CNKSR2: variants seen among roughly 807,000 people sequenced by gnomAD.
CNKSR2 encodes the protein connector enhancer of kinase suppressor of Ras 2, also known as CNK homolog protein 2.
A neutral mutation model predicts 84.4 loss-of-function variants in CNKSR2; 14 were observed. That is an observed-to-expected ratio of 0.17 (90% CI 0.11 to 0.26). The LOEUF (loss-of-function observed/expected upper bound fraction) is 0.26. Among genes scored for constraint, CNKSR2 ranks in the 10% least tolerant of loss-of-function variants. The probability of loss-of-function intolerance (pLI) is 1.00; values close to 1 mark genes in which losing one functional copy is unlikely to be tolerated. For missense variants in CNKSR2, 485 were observed against 771.2 expected (o/e 0.63, Z 4.40); for synonymous variants, 275 against 277.9 (o/e 0.99, Z 0.10).
At chrX:21,555,300 TAA>T (rs933387524) in intron 11 of CNKSR2, among the ~76,000 whole-genome samples, 8 of 111,831 alleles carry the variant, frequency 7.2e-5, no homozygotes, top group Admixed American at 3.8e-4. Flanking sequence ...GTATTATTTA[TAA>T]GTCATTAAAG....
At chrX:21,642,046 G>A (rs2092693353) in intron 20 of CNKSR2, 1 of 754,042 alleles carries the variant, frequency 1.3e-6, no homozygotes, top group African/African-American at 2.3e-5. Flanking sequence ...CTCTTTGGTG[G>A]CCTCTTTAAG....
chrX:21,474,201 A>G (rs1474479388), intron 5 of CNKSR2, among the ~76,000 whole-genome samples: 1 of 111,494 alleles, frequency 9.0e-6, no homozygotes, highest in Non-Finnish European at 1.9e-5. Context: ...TAAGTACAAT[A>G]TGATTTATAA....
intron 2 of CNKSR2, among the ~76,000 whole-genome samples, chrX:21,431,948 T>C (rs1447550264): frequency 8.9e-6 from 1 of 111,835 alleles, no homozygotes; most frequent in African/African-American, 3.2e-5. Context: ...TATTTAGTTG[T>C]GAGCTAATAC....
chrX:21,492,995 A>C (rs2091457945), intron 6 of CNKSR2: 2 of 112,263 alleles, frequency 1.8e-5, no homozygotes, highest in Admixed American at 9.4e-5. Context: ...ATTAGCTTAG[A>C]AATATCCACA....
Position 21,563,422 on chromosome X carries a change from C to T in CNKSR2, c.1578C>T (p.Gly526=). Residue 526 remains glycine, a synonymous_variant, in exon 13 of 22, where the codon GGC becomes GGT. Transcript: ENST00000379510. Reference sequence around the variant, plus strand: ...ATGCACTGAGACAAGACATCATGGGCACTCCTGTGCCAGAGACCACACTAT... The same window carrying T: ...ATGCACTGAGACAAGACATCATGGGTACTCCTGTGCCAGAGACCACACTAT... ...QMDALRQDIM[G]TPVPETTLYH... The T allele has an allele frequency of 8.3e-7, 1 of 1,208,851 alleles. No homozygotes were observed. The highest frequency in any genetic ancestry group is 1.1e-6 in the Non-Finnish European group (1 of 893,267).
chrX:21,590,414 G>A (rs1388122987), intron 13 of CNKSR2, among the ~76,000 whole-genome samples, 158 bp from the exon 14 acceptor site: 1 of 111,618 alleles, frequency 9.0e-6, no homozygotes, highest in Middle Eastern at 4.6e-3. Flanking sequence ...TAAGTGACAT[G>A]ATGTATATGA....
intron 5 of CNKSR2, among the ~76,000 whole-genome samples, chrX:21,480,193 A>G (rs5951448): frequency 0.014 from 1,574 of 111,508 alleles, 12 homozygotes; most frequent in Non-Finnish European, 0.022. Flanking sequence ...CACAAAACTC[A>G]TAACTGACAC....
At chrX:21,466,800 G>C (rs893375643) in intron 4 of CNKSR2, among the ~76,000 whole-genome samples, 6 of 111,187 alleles carry the variant, frequency 5.4e-5, no homozygotes, top group African/African-American at 2.0e-4. Context: ...GGCCAGGCTG[G>C]TCTTGAACTC....
chrX:21,575,283 T>C (rs1348520758), intron 13 of CNKSR2, among the ~76,000 whole-genome samples: 1 of 111,477 alleles, frequency 9.0e-6, no homozygotes, highest in Non-Finnish European at 1.9e-5. Context: ...CTTATTTATA[T>C]AATTTGTTCT....
At chrX:21,538,665 G>A (rs1037567636) in intron 11 of CNKSR2, 2 of 112,567 alleles carry the variant, frequency 1.8e-5, no homozygotes, top group Admixed American at 1.9e-4. Flanking sequence ...GAGTAAGGAA[G>A]CCAGTAGTGG....
chrX:21,505,598 A>G (rs1601875471), intron 8 of CNKSR2: 1 of 111,528 alleles, frequency 9.0e-6, no homozygotes, highest in African/African-American at 3.3e-5. Flanking sequence ...AACTTCATTT[A>G]TGCGTCTCCC....
intron 8 of CNKSR2, among the ~76,000 whole-genome samples, chrX:21,515,677 C>A (rs1241042884): frequency 1.8e-5 from 2 of 111,452 alleles, no homozygotes; most frequent in Non-Finnish European, 3.8e-5. Flanking sequence ...AAAAATTATT[C>A]TATGTTCAGA....
Position 21,591,032 on chromosome X carries a change from A to G in CNKSR2, c.1668A>G (p.Ala556=). ...KSKKKNKGPI[A]GKSKRRISCK... ...ATTTCCACCCTTTAGGTCCTATAGC[A>G]GGCAAGAGCAAAAGACGAATTTCTT... Residue 556 remains alanine, a synonymous_variant, in exon 15 of 22, where the codon GCA becomes GCG. Transcript: ENST00000379510. The G allele has an allele frequency of 8.3e-7, 1 of 1,208,322 alleles. No individual in the cohort carries two copies. Among genetic ancestry groups the G allele is most frequent in the African/African-American group, 1.7e-5 (1 of 57,703 alleles).
intron 4 of CNKSR2, among the ~76,000 whole-genome samples, chrX:21,455,635 C>T (rs927831062): frequency 4.5e-5 from 5 of 111,977 alleles, no homozygotes; most frequent in Non-Finnish European, 7.5e-5. Context: ...ATATTGCCAC[C>T]AGAGAGATTG....
chrX:21,406,114 C>T lies in CNKSR2; in HGVS notation c.65-20383C>T, dbSNP rs1197543882. On this transcript the variant is annotated intron_variant, in intron 1 of 21. Transcript: ENST00000379510. Reference sequence around the variant, plus strand: ...GTGTGTGGCTGATGAACGAGCACTACAGTCTGAGTTCTGCCTCCTATCAGA... The same window carrying T: ...GTGTGTGGCTGATGAACGAGCACTATAGTCTGAGTTCTGCCTCCTATCAGA... 9.0e-5 allele frequency among the ~76,000 whole-genome samples: 10 copies of T among 111,335 alleles called. No homozygotes were observed. The Admixed American group carries it at 9.5e-4, about 11-fold the overall frequency.
At chrX:21,499,217 A>G (rs1310766353) in intron 7 of CNKSR2, among the ~76,000 whole-genome samples, 2 of 111,980 alleles carry the variant, frequency 1.8e-5, no homozygotes, top group African/African-American at 6.5e-5. Flanking sequence ...TTATTCATTC[A>G]TGTATTCATT....
At chrX:21,651,185 A>G (rs778530932) in intron 21 of CNKSR2, among the ~76,000 whole-genome samples, 1 of 112,201 alleles carries the variant, frequency 8.9e-6, no homozygotes, top group South Asian at 3.7e-4. Context: ...CACCAGGTAC[A>G]TGAATGCTCC....
intron 13 of CNKSR2, among the ~76,000 whole-genome samples, chrX:21,568,981 A>G (rs1485449436): frequency 8.9e-6 from 1 of 111,986 alleles, no homozygotes. Context: ...TAATACAGGC[A>G]TATCTCAGAG....
At chrX:21,531,797 G>T in intron 10 of CNKSR2, 59 bp from the exon 11 acceptor site, 1 of 773,488 alleles carries the variant, frequency 1.3e-6, no homozygotes, top group Non-Finnish European at 1.9e-6. Flanking sequence ...TTAGACCCTC[G>T]GCCATTTACT....
Sources: allele counts gnomAD v4.1 joint callset (sites outside exome capture counted in the v4.1 genomes callset), GRCh38; gene constraint gnomAD v4.1.1; transcripts MANE v1.5; gene names NCBI Gene and HGNC (gene_info 2026-07-23, HGNC 2026-07-21).